DOCK3: variants seen among roughly 807,000 people sequenced by gnomAD.
DOCK3 encodes dedicator of cytokinesis protein 3.
DOCK3 carries 60 observed loss-of-function variants against 265.6 expected under a neutral mutation model. The observed-to-expected ratio is 0.23, with a 90% CI of 0.18 to 0.28. DOCK3 has a LOEUF of 0.28. Among genes scored for constraint, DOCK3 ranks in the 10% least tolerant of loss-of-function variants. The probability of loss-of-function intolerance (pLI) is 1.00; values close to 1 mark genes in which losing one functional copy is unlikely to be tolerated. For synonymous variants in DOCK3, 881 were observed against 938.0 expected (o/e 0.94, Z 1.11); for missense variants, 1,981 against 2,594.3 (o/e 0.76, Z 5.14).
intron 5 of DOCK3, among the ~76,000 whole-genome samples, chr3:50,977,029 A>G (rs906177997): frequency 1.1e-4 from 17 of 149,208 alleles, no homozygotes; most frequent in African/African-American, 3.9e-4. Flanking sequence ...TTTTGAGCCT[A>G]TGTGTGTCTC....
chr3:50,805,256 A>G (rs1357643143), intron 2 of DOCK3, among the ~76,000 whole-genome samples: 1 of 152,012 alleles, frequency 6.6e-6, no homozygotes. Context: ...TGTAACCCAT[A>G]GTAGTGGAAT....
intron 2 of DOCK3, among the ~76,000 whole-genome samples, chr3:50,812,666 G>T (rs1347643885): frequency 1.3e-5 from 2 of 152,150 alleles, no homozygotes; most frequent in African/African-American, 2.4e-5. Flanking sequence ...TTCTATTCAG[G>T]CTTTCAAAAG....
intron 3 of DOCK3, among the ~76,000 whole-genome samples, chr3:50,887,857 G>A (rs1373427700): frequency 2.0e-5 from 3 of 151,068 alleles, no homozygotes; most frequent in East Asian, 1.9e-4. Flanking sequence ...CCGATTGAAC[G>A]TATCTCAAAA....
At chr3:50,948,026 T>TCAA (rs1491110043) in intron 5 of DOCK3, among the ~76,000 whole-genome samples, 1 of 77,452 alleles carries the variant, frequency 1.3e-5, no homozygotes, top group Non-Finnish European at 2.7e-5. Context: ...CAGCTAATTA[T>TCAA]TATTATTATT....
At chr3:50,865,498 C>T (rs2047097909) in intron 3 of DOCK3, among the ~76,000 whole-genome samples, 1 of 152,186 alleles carries the variant, frequency 6.6e-6, no homozygotes, top group African/African-American at 2.4e-5. Context: ...TTCTTTATGA[C>T]TGAATAGTAC....
intron 4 of DOCK3, among the ~76,000 whole-genome samples, chr3:50,926,704 C>T (rs575151350): frequency 1.3e-5 from 2 of 152,032 alleles, no homozygotes; most frequent in Non-Finnish European, 2.9e-5. Flanking sequence ...GATGTGAGCA[C>T]GTTATGGACT....
chr3:51,267,280 A>G (rs1449457003), intron 23 of DOCK3, among the ~76,000 whole-genome samples: 2 of 152,216 alleles, frequency 1.3e-5, no homozygotes, highest in Non-Finnish European at 2.9e-5. Flanking sequence ...AGGATCTAGA[A>G]CTAGAAATAC....
intron 22 of DOCK3, among the ~76,000 whole-genome samples, chr3:51,250,757 G>A (rs897141531): frequency 1.3e-5 from 2 of 152,234 alleles, no homozygotes; most frequent in East Asian, 3.8e-4. Context: ...TGATCTCTGA[G>A]CTGAAGTCAG....
At chr3:51,085,144 G>A (rs1256487654) in intron 7 of DOCK3, among the ~76,000 whole-genome samples, 1 of 152,132 alleles carries the variant, frequency 6.6e-6, no homozygotes, top group Non-Finnish European at 1.5e-5. Context: ...GTAAATATAT[G>A]TGCATCCAAT....
At chr3:50,913,340 C>T (rs1356571125) in intron 4 of DOCK3, among the ~76,000 whole-genome samples, 1 of 151,890 alleles carries the variant, frequency 6.6e-6, no homozygotes, top group African/African-American at 2.4e-5. Flanking sequence ...GTATGCAAAA[C>T]AAAGTCTTCC....
At position 51,381,111 on chromosome 3, in the gene DOCK3, A is replaced by G. The variant is rs1553618410; in HGVS notation, c.5645A>G (p.Asn1882Ser). Residue 1882 changes from asparagine (N) to serine (S), a missense_variant, in exon 53 of 53, where the codon AAC (asparagine) becomes AGC (serine). By Grantham distance (46) the Asn-to-Ser change is conservative (BLOSUM62 1). Around this residue, in one of 4 missense-constraint regions of DOCK3, gnomAD observed 1,357 missense variants for 1,866.8 expected, o/e 0.73. Transcript: ENST00000266037. The surrounding 1 kb of genome is among the most constrained non-coding windows in gnomAD (Gnocchi z 5.6). ...TSPQSGLDGS[N>S]STLSGSASSG... ...CCCCAGTCAGGTCTGGACGGCAGCA[A>G]CTCTACGCTGTCCGGCAGTGCCAGC... The G allele has an allele frequency of 2.5e-6, 4 of 1,613,522 alleles. No homozygotes were observed. In the South Asian group the frequency reaches 4.4e-5, roughly 18 times the overall value.
At chr3:50,925,824 CTT>C (rs368819970) in intron 4 of DOCK3, among the ~76,000 whole-genome samples, 6,487 of 87,174 alleles carry the variant, frequency 0.074, 41 homozygotes, top group Non-Finnish European at 0.096. Flanking sequence ...TAAAACTAGT[CTT>C]TTTTTTTTTT....
intron 9 of DOCK3, among the ~76,000 whole-genome samples, chr3:51,110,333 C>G (rs1377198318): frequency 6.6e-6 from 1 of 152,180 alleles, no homozygotes; most frequent in Non-Finnish European, 1.5e-5. Flanking sequence ...AGGTCAGCAT[C>G]ATTCTGATAC....
chr3:51,323,525 GA>G (rs1384924098), intron 32 of DOCK3, among the ~76,000 whole-genome samples: 2 of 151,204 alleles, frequency 1.3e-5, no homozygotes, highest in African/African-American at 4.8e-5. Context: ...CACAGATTAA[GA>G]AACTCACTCA....
intron 2 of DOCK3, among the ~76,000 whole-genome samples, chr3:50,832,218 G>A (rs949561527): frequency 1.6e-4 from 24 of 152,024 alleles, no homozygotes; most frequent in Admixed American, 5.2e-4. Flanking sequence ...AGCTCAAGAC[G>A]GATTAAAGAC....
chr3:50,890,121 T>G, intron 4 of DOCK3, 40 bp downstream of exon 4: 1 of 1,378,878 alleles, frequency 7.3e-7, no homozygotes, highest in South Asian at 1.6e-5. Flanking sequence ...ACAATTTTTA[T>G]AGGCTACAGA....
At chr3:50,712,005 A>AAT (rs2036803071) in intron 1 of DOCK3, among the ~76,000 whole-genome samples, 1 of 152,096 alleles carries the variant, frequency 6.6e-6, no homozygotes, top group Non-Finnish European at 1.5e-5. Flanking sequence ...TTTATAAGGT[A>AAT]GTTGGTGATG....
At chr3:51,290,281 A>G (rs2081658795) in intron 27 of DOCK3, among the ~76,000 whole-genome samples, 1 of 152,248 alleles carries the variant, frequency 6.6e-6, no homozygotes, top group African/African-American at 2.4e-5. Flanking sequence ...ACTTGGAACC[A>G]ACGCAGATGT....
chr3:51,228,219 T>TG, intron 17 of DOCK3, 131 bp downstream of exon 17: 1 of 838,650 alleles, frequency 1.2e-6, no homozygotes, highest in Non-Finnish European at 1.9e-6. Flanking sequence ...TGGGTGACAG[T>TG]GGGACATCTG....
Sources: gnomAD v4.1 joint callset for allele counts (sites outside exome capture counted in the v4.1 genomes callset) on GRCh38, gnomAD v4.1.1 for gene constraint, gnomAD v4.1.1 regional missense constraint, Gnocchi (gnomAD v3.1) non-coding constraint, MANE v1.5 for transcripts, NCBI Gene and HGNC (gene_info 2026-07-23, HGNC 2026-07-21) for gene names.